PLEKHA7: variants seen among roughly 807,000 people sequenced by gnomAD.
PLEKHA7 encodes pleckstrin homology domain-containing family A member 7.
PLEKHA7 carries 104 observed loss-of-function variants against 170.0 expected under a neutral mutation model. The ratio of observed to expected loss-of-function variants is 0.61; its 90% CI spans 0.52 to 0.72. The LOEUF is 0.72. Ranked by LOEUF, PLEKHA7 falls within the 30% of genes least tolerant of loss-of-function variation. The pLI is 0.00. For missense variants in PLEKHA7, 1,615 were observed against 1,671.7 expected (o/e 0.97, Z 0.59); for synonymous variants, 648 against 660.8 (o/e 0.98, Z 0.30).
At chr11:16,865,715 G>A (rs1854336990) in intron 4 of PLEKHA7, among the ~76,000 whole-genome samples, 1 of 151,882 alleles carries the variant, frequency 6.6e-6, no homozygotes, top group Non-Finnish European at 1.5e-5. Flanking sequence ...GAAAAGAAAT[G>A]AGCACTCTAG....
intron 24 of PLEKHA7, among the ~76,000 whole-genome samples, chr11:16,784,371 C>T (rs1168785451): frequency 6.6e-6 from 1 of 152,172 alleles, no homozygotes; most frequent in East Asian, 1.9e-4. Flanking sequence ...CTTAGTAGCC[C>T]TCCAACTAAT....
intron 19 of PLEKHA7, among the ~76,000 whole-genome samples, chr11:16,794,054 G>A (rs77158826): frequency 0.075 from 11,432 of 152,204 alleles, 579 homozygotes; most frequent in Non-Finnish European, 0.1. Flanking sequence ...AGTGCTCAGC[G>A]GCGGGTGAAG....
At chr11:16,978,253 A>G (rs1863192994) in intron 3 of PLEKHA7, among the ~76,000 whole-genome samples, 1 of 152,212 alleles carries the variant, frequency 6.6e-6, no homozygotes, top group African/African-American at 2.4e-5. Flanking sequence ...TGCTGATAAC[A>G]AGGCCTTTTG....
chr11:16,938,492 C>G (rs971965948), intron 3 of PLEKHA7, among the ~76,000 whole-genome samples: 4 of 151,936 alleles, frequency 2.6e-5, no homozygotes, highest in Non-Finnish European at 5.9e-5. Flanking sequence ...TAGGTGCCCC[C>G]CTCACTTTTT....
rs181399995 is a variant in PLEKHA7, at chr11:16,833,148, G to C, written c.873-6558C>G. ...GCTCCCTTGGGATGGAGGGAGAATA[G>C]CCTGCTACTTTTCATGCTGTGCTTT... On this transcript the variant is annotated intron_variant, in intron 9 of 26. Coordinates refer to ENST00000531066, the MANE Select transcript of PLEKHA7 (RefSeq NM_001329630.2). Among the ~76,000 whole-genome samples, 103 of 152,284 alleles carry C rather than the reference G, an allele frequency of 6.8e-4. 1 individual carries two copies. Among genetic ancestry groups the C allele is most frequent in the African/African-American group, 2.3e-3 (96 of 41,562 alleles).
intron 3 of PLEKHA7, among the ~76,000 whole-genome samples, chr11:16,874,326 G>C (rs1020020071): frequency 6.6e-6 from 1 of 152,088 alleles, no homozygotes; most frequent in East Asian, 1.9e-4. Flanking sequence ...GGGCAACATG[G>C]TGAAACTTTG....
intron 3 of PLEKHA7, among the ~76,000 whole-genome samples, chr11:16,945,033 T>A (rs971266185): frequency 2.6e-5 from 4 of 151,980 alleles, no homozygotes; most frequent in Non-Finnish European, 1.5e-5. Flanking sequence ...GCCTCCCGGG[T>A]TCAAGCAATT....
chr11:16,894,234 G>A (rs1319203868), intron 3 of PLEKHA7, among the ~76,000 whole-genome samples: 1 of 152,178 alleles, frequency 6.6e-6, no homozygotes, highest in Non-Finnish European at 1.5e-5. Context: ...TCAGGGAGGG[G>A]CTCTCACTAT....
At chr11:16,784,464 A>G (rs149777563) in intron 24 of PLEKHA7, among the ~76,000 whole-genome samples, 1 of 152,300 alleles carries the variant, frequency 6.6e-6, no homozygotes, top group East Asian at 1.9e-4. Context: ...TTCTGTCCCT[A>G]AAAAAGCTCT....
intron 3 of PLEKHA7, among the ~76,000 whole-genome samples, chr11:16,915,497 T>A (rs1485307244): frequency 1.4e-5 from 2 of 146,622 alleles, no homozygotes; most frequent in Admixed American, 6.8e-5. Flanking sequence ...TATCTCCCAA[T>A]GCTATCCCTC....
intron 4 of PLEKHA7, among the ~76,000 whole-genome samples, chr11:16,857,320 C>G (rs753114641): frequency 6.6e-5 from 10 of 152,222 alleles, no homozygotes; most frequent in Non-Finnish European, 1.2e-4. Flanking sequence ...AGATGCAAGT[C>G]CTACCAGGCA....
chr11:16,795,250 C>T, intron 17 of PLEKHA7: 1 of 519,412 alleles, frequency 1.9e-6, no homozygotes, highest in Non-Finnish European at 3.5e-6. Flanking sequence ...GTCCAGCTTG[C>T]CTACCTAATT....
At chr11:16,955,243 A>G (rs1216516139) in intron 3 of PLEKHA7, among the ~76,000 whole-genome samples, 5 of 152,200 alleles carry the variant, frequency 3.3e-5, no homozygotes, top group African/African-American at 1.2e-4. Context: ...TTTTTCCTGG[A>G]GTATTCCTCT....
At chr11:16,790,640 C>T in intron 21 of PLEKHA7, 158 bp downstream of exon 21, 2 of 651,630 alleles carry the variant, frequency 3.1e-6, no homozygotes, top group Non-Finnish European at 5.3e-6. Flanking sequence ...CAGAGGAAGA[C>T]AGGCCAGGTC....
At chr11:16,899,448 G>T (rs1043730844) in intron 3 of PLEKHA7, among the ~76,000 whole-genome samples, 1 of 152,210 alleles carries the variant, frequency 6.6e-6, no homozygotes, top group Admixed American at 6.5e-5. Flanking sequence ...GGTGAGCTGA[G>T]ATCACGCCAT....
In PLEKHA7 at chr11:16,945,990, C is replaced by T. The variant is rs1861003174; in HGVS notation, c.221+67999G>A. On this transcript the variant is annotated intron_variant, in intron 3 of 26. Transcript: ENST00000531066. The stretch of plus-strand genomic sequence containing the variant: ...TATAACACATTCCCAGCCTCAAAAT[C>T]CCAGCCTGCTCATGAGGGAGCCACA... Among the ~76,000 whole-genome samples the T allele has an allele frequency of 2.6e-5, 4 of 152,216 alleles. No individual in the cohort carries two copies. The South Asian group carries it at 8.3e-4, about 31-fold the overall frequency.
chr11:16,960,343 C>G (rs1449396260), intron 3 of PLEKHA7, among the ~76,000 whole-genome samples: 2 of 152,194 alleles, frequency 1.3e-5, no homozygotes, highest in Non-Finnish European at 2.9e-5. Context: ...GCCCCAGAAG[C>G]CTGAGCTGGG....
chr11:16,984,377 CTGTTCAAAGCCTTCCAT>C (rs1426036854), intron 3 of PLEKHA7, among the ~76,000 whole-genome samples: 23 of 152,190 alleles, frequency 1.5e-4, no homozygotes, highest in Non-Finnish European at 2.5e-4. Context: ...TGCCACTCCT[CTGTTCAAAGCCTTCCAT>C]TGTTCAAAGC....
chr11:16,977,890 A>G (rs899651278), intron 3 of PLEKHA7, among the ~76,000 whole-genome samples: 1 of 152,130 alleles, frequency 6.6e-6, no homozygotes, highest in Non-Finnish European at 1.5e-5. Flanking sequence ...TATTTCCCTC[A>G]TCCTCGGTCT....
Sources: gnomAD v4.1 joint callset for allele counts (sites outside exome capture counted in the v4.1 genomes callset) on GRCh38, gnomAD v4.1.1 for gene constraint, MANE v1.5 for transcripts, NCBI Gene and HGNC (gene_info 2026-07-23, HGNC 2026-07-21) for gene names.